SUGCT: variants seen among roughly 807,000 people sequenced by gnomAD.
The protein encoded by SUGCT is succinyl-CoA:glutarate-CoA transferase.
In SUGCT, 41 loss-of-function variants were observed where a neutral mutation model predicts 55.0. That is an observed-to-expected ratio of 0.74 (90% CI 0.58 to 0.97). The LOEUF is 0.97. Among genes scored for constraint, SUGCT ranks in the 50% least tolerant of loss-of-function variants. The pLI is 0.00. For missense variants in SUGCT, 568 were observed against 547.8 expected (o/e 1.04, Z -0.37); for synonymous variants, 187 against 200.4 (o/e 0.93, Z 0.56).
chr7:40,248,825 T>C (rs535351309), intron 7 of SUGCT, among the ~76,000 whole-genome samples: 1 of 151,786 alleles, frequency 6.6e-6, no homozygotes, highest in Admixed American at 6.6e-5. Flanking sequence ...CTGTTTTAAG[T>C]TAGAAATATC....
At chr7:40,957,463 TTTTTTTTTTG>T in the SUGCT span, among the ~76,000 whole-genome samples, 1 of 146,970 alleles carries the variant, frequency 6.8e-6, no homozygotes. Flanking sequence ...TTTTTTTTTT[TTTTTTTTTTG>T]GCTTTCCATT....
intron 12 of SUGCT, among the ~76,000 whole-genome samples, chr7:40,508,783 C>T (rs115370786): frequency 1.3e-3 from 195 of 152,304 alleles, no homozygotes; most frequent in African/African-American, 4.3e-3. Context: ...CTGTCCTGCA[C>T]ACTTTACCCT....
intron 9 of SUGCT, among the ~76,000 whole-genome samples, chr7:40,447,191 T>A (rs771530251): frequency 1.2e-4 from 19 of 152,226 alleles, no homozygotes; most frequent in Non-Finnish European, 2.6e-4. Flanking sequence ...ACATTTCTTA[T>A]AAATAGAATC....
intron 12 of SUGCT, among the ~76,000 whole-genome samples, chr7:40,605,765 G>T (rs1279055319): frequency 6.6e-6 from 1 of 152,202 alleles, no homozygotes; most frequent in Non-Finnish European, 1.5e-5. Flanking sequence ...CTGGTGAGAG[G>T]TAAGTATTAA....
chr7:40,607,124 A>C (rs1798568561), intron 12 of SUGCT, among the ~76,000 whole-genome samples: 1 of 142,278 alleles, frequency 7.0e-6, no homozygotes, highest in Non-Finnish European at 1.5e-5. Flanking sequence ...TTTTTTTTTG[A>C]GACAGAGTGT....
intron 6 of SUGCT, among the ~76,000 whole-genome samples, chr7:40,200,648 G>C (rs1010596065): frequency 6.6e-6 from 1 of 152,172 alleles, no homozygotes. Context: ...CTGCAGAGGT[G>C]TGCAGGGGCC....
chr7:40,946,500 G>A, the SUGCT span, among the ~76,000 whole-genome samples: 1 of 152,164 alleles, frequency 6.6e-6, no homozygotes, highest in Non-Finnish European at 1.5e-5. Context: ...GGAGTAGCAA[G>A]CAGCAGTAGG....
Position 40,459,125 on chromosome 7 carries a change from G to T in SUGCT, c.913G>T (p.Asp305Tyr). Residue 305 changes from aspartate to tyrosine, a missense_variant, in exon 11 of 14, where the codon GAT becomes TAT. Transcript: ENST00000335693. ...CKILDLPELI[D>Y]NSKYKTNHLR... is the part of the protein sequence containing the mutation. ...GATCTTGGATTTGCCTGAGTTGATT[G>T]ATAATTCCAAGTATAAAACTAACCA... The T allele has an allele frequency of 6.2e-7, 1 of 1,611,180 alleles. No homozygotes were observed.
chr7:40,411,241 A>T (rs566341291), intron 9 of SUGCT, among the ~76,000 whole-genome samples: 1 of 152,190 alleles, frequency 6.6e-6, no homozygotes, highest in South Asian at 2.1e-4. Context: ...AAAAATCCAA[A>T]AATTAGTTGA....
chr7:40,403,236 A>G (rs1376455043), intron 9 of SUGCT, among the ~76,000 whole-genome samples: 4 of 152,318 alleles, frequency 2.6e-5, no homozygotes, highest in Admixed American at 6.5e-5. Context: ...TGTTGCTTAC[A>G]TGGCACAAAA....
At chr7:40,244,240 C>T (rs1475084399) in intron 7 of SUGCT, among the ~76,000 whole-genome samples, 1 of 152,018 alleles carries the variant, frequency 6.6e-6, no homozygotes, top group Non-Finnish European at 1.5e-5. Flanking sequence ...TTTAAGGAAG[C>T]GGTGGGACTT....
At chr7:40,663,497 G>A (rs1801442242) in intron 12 of SUGCT, among the ~76,000 whole-genome samples, 1 of 150,848 alleles carries the variant, frequency 6.6e-6, no homozygotes, top group East Asian at 1.9e-4. Flanking sequence ...GTGTGTGTGT[G>A]TGTGTGTGTG....
In SUGCT at chr7:40,774,379, C is replaced by A. The variant is rs75665756; in HGVS notation, c.1153+24882C>A. 1.4e-4 allele frequency among the ~76,000 whole-genome samples: 21 copies of A among 152,180 alleles called. No homozygotes were observed. The East Asian group carries it at 4.1e-3, about 29-fold the overall frequency. ...AATGCTCTCTTTTATGTAATTACTG[C>A]AAATAAGTATAATGAGATAAATGTG... On this transcript the variant is annotated intron_variant, in intron 13 of 13. Transcript: ENST00000335693.
At chr7:40,966,791 A>C in the SUGCT span, 1 of 152,224 alleles carries the variant, frequency 6.6e-6, no homozygotes, top group Admixed American at 6.5e-5. Flanking sequence ...TTGGGTTTAC[A>C]AATTGCCTAA....
intron 13 of SUGCT, among the ~76,000 whole-genome samples, chr7:40,749,746 C>T (rs1787913978): frequency 6.6e-6 from 1 of 152,176 alleles, no homozygotes; most frequent in African/African-American, 2.4e-5. Flanking sequence ...TTCTTAATTC[C>T]ATTTTGTGTA....
chr7:40,443,962 C>A (rs1253034323), intron 9 of SUGCT, among the ~76,000 whole-genome samples: 3 of 152,138 alleles, frequency 2.0e-5, no homozygotes, highest in African/African-American at 7.2e-5. Flanking sequence ...TTTCCCAGCA[C>A]CATTTATTAA....
At chr7:41,014,891 G>A in the SUGCT span, among the ~76,000 whole-genome samples, 1 of 152,122 alleles carries the variant, frequency 6.6e-6, no homozygotes, top group South Asian at 2.1e-4. Flanking sequence ...AATAGGCTGG[G>A]GAAATTGAGA....
chr7:40,205,397 G>A (rs560041113), intron 6 of SUGCT, among the ~76,000 whole-genome samples: 29 of 151,104 alleles, frequency 1.9e-4, no homozygotes, highest in Admixed American at 5.3e-4. Flanking sequence ...ATCCCAGCAC[G>A]TTGGGAGGCC....
At chr7:40,240,841 G>C (rs1394379439) in intron 7 of SUGCT, among the ~76,000 whole-genome samples, 1 of 152,160 alleles carries the variant, frequency 6.6e-6, no homozygotes, top group Non-Finnish European at 1.5e-5. Context: ...CAGGGTTGTC[G>C]GTCAGGGAAG....
Sources: gnomAD v4.1 joint callset for allele counts (sites outside exome capture counted in the v4.1 genomes callset) on GRCh38, gnomAD v4.1.1 for gene constraint, MANE v1.5 for transcripts, NCBI Gene and HGNC (gene_info 2026-07-23, HGNC 2026-07-21) for gene names.